ADK: variants seen among roughly 807,000 people sequenced by gnomAD.
ADK encodes the protein adenosine kinase, also known as N6,N6-dimethyladenosine kinase.
Under a neutral mutation model 44.7 loss-of-function variants are expected in ADK, and 24 were observed. The ratio of observed to expected loss-of-function variants is 0.54; its 90% CI spans 0.39 to 0.76. ADK has a LOEUF of 0.76. Among genes scored for constraint, ADK ranks in the 30% least tolerant of loss-of-function variants. ADK has a pLI of 0.00. For synonymous variants in ADK, 128 were observed against 142.6 expected, an observed-to-expected ratio of 0.90 and a Z score of 0.73; for missense variants, 321 against 425.1, an observed-to-expected ratio of 0.76 and a Z score of 2.15.
At chr10:74,416,709 T>C (rs1844388377) in intron 6 of ADK, among the ~76,000 whole-genome samples, 1 of 151,938 alleles carries the variant, frequency 6.6e-6, no homozygotes. Context: ...TCCTAACTAA[T>C]CATTTTTTGT....
At chr10:74,181,565 C>T (rs1276948620) in intron 1 of ADK, among the ~76,000 whole-genome samples, 1 of 152,164 alleles carries the variant, frequency 6.6e-6, no homozygotes, top group Non-Finnish European at 1.5e-5. Context: ...GTTCAGGAGA[C>T]AGAGGAAGAT....
In ADK at chr10:74,218,302, G is replaced by T. The variant is rs531643228; in HGVS notation, c.141-6236G>T. 2.9e-3 allele frequency among the ~76,000 whole-genome samples: 442 copies of T among 152,274 alleles called. 3 individuals are homozygous for T. Among genetic ancestry groups the T allele is most frequent in the Non-Finnish European group, 5.2e-3 (357 of 68,034 alleles). ...AGATGAAATGAGTGAAATGAAGCGA[G>T]AAGGGAAGTTTAGAGAAAAAAGAAT... is the stretch of plus-strand genomic sequence containing the variant. On this transcript the variant is annotated intron_variant, in intron 2 of 10. Transcript: ENST00000539909.
chr10:74,263,413 A>G (rs1846111247), intron 3 of ADK, among the ~76,000 whole-genome samples: 1 of 152,204 alleles, frequency 6.6e-6, no homozygotes, highest in African/African-American at 2.4e-5. Context: ...GTGATGTTCT[A>G]CAGTTTGTAG....
chr10:74,629,622 G>A (rs1470716549), intron 9 of ADK, among the ~76,000 whole-genome samples: 1 of 152,112 alleles, frequency 6.6e-6, no homozygotes, highest in East Asian at 1.9e-4. Flanking sequence ...TTATACTTGT[G>A]AAGTGTACAC....
At chr10:74,342,123 TG>T (rs1841602552) in intron 4 of ADK, among the ~76,000 whole-genome samples, 1 of 152,180 alleles carries the variant, frequency 6.6e-6, no homozygotes, top group African/African-American at 2.4e-5. Flanking sequence ...TTGGCTATTT[TG>T]GGTCCATTGC....
intron 1 of ADK, among the ~76,000 whole-genome samples, chr10:74,157,208 G>C (rs551115909): frequency 1.3e-5 from 2 of 152,288 alleles, no homozygotes; most frequent in South Asian, 4.1e-4. Context: ...CTCTGGAAGA[G>C]GGGTGGCCTA....
chr10:74,502,200 T>C (rs2133453451), intron 6 of ADK, among the ~76,000 whole-genome samples: 1 of 152,272 alleles, frequency 6.6e-6, no homozygotes, highest in Middle Eastern at 3.4e-3. Context: ...AGTGATTTCT[T>C]TTTAAACTAC....
chr10:74,432,675 A>G (rs570646860), intron 6 of ADK, among the ~76,000 whole-genome samples: 8 of 152,292 alleles, frequency 5.3e-5, no homozygotes, highest in South Asian at 2.1e-4. Context: ...GGACTATTCT[A>G]TGAGTCTCTT....
chr10:74,498,201 T>C (rs1847761400), intron 6 of ADK, among the ~76,000 whole-genome samples: 1 of 152,206 alleles, frequency 6.6e-6, no homozygotes, highest in South Asian at 2.1e-4. Flanking sequence ...GGAAGACCTC[T>C]TTGAAAAAGT....
chr10:74,575,860 A>T (rs1242517687), intron 7 of ADK, among the ~76,000 whole-genome samples: 2 of 152,188 alleles, frequency 1.3e-5, no homozygotes, highest in South Asian at 2.1e-4. Context: ...ACTGGTTAAG[A>T]GACTACAACA....
chr10:74,588,688 G>A (rs947661534), intron 7 of ADK, among the ~76,000 whole-genome samples: 8 of 152,146 alleles, frequency 5.3e-5, no homozygotes, highest in Non-Finnish European at 7.4e-5. Flanking sequence ...TCGATCACTG[G>A]GTTAAAGTGA....
rs1852847431 is a variant in ADK, at chr10:74,618,143, A to C, written c.877+17650A>C. ...TTTTTAATTAATTCTGACAATCTTC[A>C]TATTTTAATCAGCCTGTTTATATTT... On this transcript the variant is annotated intron_variant, in intron 9 of 10. Coordinates refer to ENST00000539909, the MANE Select transcript of ADK (RefSeq NM_006721.4). Among the ~76,000 whole-genome samples the C allele has an allele frequency of 2.0e-5, 3 of 150,104 alleles. No individual in the cohort carries two copies. The South Asian group carries it at 6.2e-4, about 31-fold the overall frequency.
chr10:74,368,894 C>T (rs563789980), intron 4 of ADK, among the ~76,000 whole-genome samples: 108 of 152,268 alleles, frequency 7.1e-4, no homozygotes, highest in African/African-American at 2.2e-3. Context: ...TCCCAAAGTG[C>T]TAGGATTAAC....
chr10:74,158,584 T>C (rs181545718), intron 1 of ADK, among the ~76,000 whole-genome samples: 17 of 152,354 alleles, frequency 1.1e-4, no homozygotes, highest in African/African-American at 3.6e-4. Context: ...GAATTCCTCC[T>C]GGGTGTTCTA....
At chr10:74,444,594 C>G (rs1354322195) in intron 6 of ADK, among the ~76,000 whole-genome samples, 1 of 152,008 alleles carries the variant, frequency 6.6e-6, no homozygotes, top group Non-Finnish European at 1.5e-5. Context: ...GGAGTATACT[C>G]TAAGGCAGCT....
chr10:74,512,339 C>T (rs1235881180), intron 6 of ADK, among the ~76,000 whole-genome samples: 1 of 147,786 alleles, frequency 6.8e-6, no homozygotes, highest in Non-Finnish European at 1.5e-5. Flanking sequence ...TCCTCTGCTT[C>T]ATTTTTGGAA....
At chr10:74,346,303 T>G (rs1841762434) in intron 4 of ADK, among the ~76,000 whole-genome samples, 1 of 152,196 alleles carries the variant, frequency 6.6e-6, no homozygotes, top group African/African-American at 2.4e-5. Flanking sequence ...AACACTGAAT[T>G]TTAATATTAT....
At chr10:74,172,006 T>G (rs1284747650) in intron 1 of ADK, among the ~76,000 whole-genome samples, 3 of 152,200 alleles carry the variant, frequency 2.0e-5, no homozygotes. Flanking sequence ...TCCTCTTTCT[T>G]GAAATAATAT....
At chr10:74,313,757 T>C (rs1840525518) in intron 3 of ADK, among the ~76,000 whole-genome samples, 1 of 151,930 alleles carries the variant, frequency 6.6e-6, no homozygotes, top group African/African-American at 2.4e-5. Context: ...CTATTTTCCC[T>C]TTCTGTATTT....
Sources: allele counts gnomAD v4.1 joint callset (sites outside exome capture counted in the v4.1 genomes callset), GRCh38; gene constraint gnomAD v4.1.1; transcripts MANE v1.5; gene names NCBI Gene and HGNC (gene_info 2026-07-23, HGNC 2026-07-21).